Variants in MACROD2 observed in about 807,000 individuals in gnomAD.
The protein encoded by MACROD2 is ADP-ribose glycohydrolase MACROD2.
A neutral mutation model predicts 70.4 loss-of-function variants in MACROD2; 36 were observed. That is an observed-to-expected ratio of 0.51 (90% confidence interval 0.39 to 0.68). MACROD2 has a LOEUF of 0.68. Among genes scored for constraint, MACROD2 ranks in the 30% least tolerant of loss-of-function variants. MACROD2 has a pLI of 0.00. For missense variants in MACROD2, 496 were observed against 538.4 expected, an observed-to-expected ratio of 0.92 and a Z score of 0.78; for synonymous variants, 172 against 178.8, an observed-to-expected ratio of 0.96 and a Z score of 0.30.
chr20:14,630,609 C>T (rs1214969443), intron 4 of MACROD2, among the ~76,000 whole-genome samples: 1 of 152,038 alleles, frequency 6.6e-6, no homozygotes, highest in African/African-American at 2.4e-5. Context: ...AACACTTACA[C>T]AATAGGATTT....
intron 5 of MACROD2, among the ~76,000 whole-genome samples, chr20:14,950,168 T>C (rs1222878141): frequency 1.3e-5 from 2 of 151,980 alleles, no homozygotes; most frequent in African/African-American, 4.8e-5. Context: ...AGAGACAGGG[T>C]CTGATTAAGG....
chr20:15,871,278 C>T (rs1441291646), intron 9 of MACROD2, among the ~76,000 whole-genome samples: 2 of 151,794 alleles, frequency 1.3e-5, no homozygotes, highest in Non-Finnish European at 2.9e-5. Flanking sequence ...TTTACCCAGG[C>T]AGTATTTAAA....
chr20:15,147,880 G>A (rs2076242316), intron 5 of MACROD2, among the ~76,000 whole-genome samples: 1 of 152,098 alleles, frequency 6.6e-6, no homozygotes, highest in Non-Finnish European at 1.5e-5. Flanking sequence ...GCAGGCAGGA[G>A]TAGGGGTCAC....
chr20:14,588,250 A>G (rs1371028541), intron 4 of MACROD2, among the ~76,000 whole-genome samples: 1 of 151,856 alleles, frequency 6.6e-6, no homozygotes, highest in Admixed American at 6.6e-5. Flanking sequence ...GATTATCTCT[A>G]TTTTCCTAGA....
chr20:15,448,355 C>A (rs1018725275), intron 7 of MACROD2, among the ~76,000 whole-genome samples: 1 of 152,074 alleles, frequency 6.6e-6, no homozygotes, highest in African/African-American at 2.4e-5. Context: ...CAAGCAAGGC[C>A]CCTGGAGGGA....
chr20:14,454,252 A>G (rs939779189), intron 3 of MACROD2, among the ~76,000 whole-genome samples: 2 of 151,758 alleles, frequency 1.3e-5, no homozygotes, highest in Admixed American at 1.3e-4. Context: ...TCATTTATCT[A>G]TTAGTTTCTC....
chr20:14,151,773 G>GATAATT (rs930990599), intron 3 of MACROD2, among the ~76,000 whole-genome samples: 29 of 137,144 alleles, frequency 2.1e-4, no homozygotes, highest in African/African-American at 7.2e-4. Context: ...GGATCACTTT[G>GATAATT]ATAATTAGAG....
chr20:15,030,808 C>T (rs1386186343), intron 5 of MACROD2, among the ~76,000 whole-genome samples: 1 of 152,198 alleles, frequency 6.6e-6, no homozygotes, highest in Admixed American at 6.5e-5. Context: ...GTGAGTCCCC[C>T]ATCCTGAGTC....
chr20:15,094,229 C>A (rs963644878), intron 5 of MACROD2, among the ~76,000 whole-genome samples: 3 of 152,046 alleles, frequency 2.0e-5, no homozygotes, highest in African/African-American at 7.3e-5. Context: ...GAATACAAAG[C>A]TTTATCAGAT....
chr20:15,778,625 A>T (rs1476748152), intron 8 of MACROD2, among the ~76,000 whole-genome samples: 2 of 151,950 alleles, frequency 1.3e-5, no homozygotes, highest in African/African-American at 2.4e-5. Context: ...TTAGTAAAAG[A>T]TCTTTGAACC....
intron 4 of MACROD2, among the ~76,000 whole-genome samples, chr20:14,678,301 C>G (rs1221876031): frequency 6.6e-6 from 1 of 152,054 alleles, no homozygotes; most frequent in Admixed American, 6.6e-5. Flanking sequence ...GTCTCACAAC[C>G]CCCTAAAATT....
At chr20:16,025,187 G>A (rs932847781) in intron 15 of MACROD2, among the ~76,000 whole-genome samples, 4 of 152,198 alleles carry the variant, frequency 2.6e-5, no homozygotes, top group East Asian at 3.8e-4. Flanking sequence ...TGGAACAAGA[G>A]GTTAAATGTC....
chr20:15,322,169 G>A lies in MACROD2; in HGVS notation c.540+92108G>A, dbSNP rs1362354827. Among the ~76,000 whole-genome samples the A allele has an allele frequency of 2.8e-5, 4 of 143,490 alleles. 1 individual carries two copies. Among genetic ancestry groups the A allele is most frequent in the Non-Finnish European group, 6.3e-5 (4 of 63,504 alleles). The allele number at this position is 143,490 out of a possible 152,430, so 94.1% of individuals were successfully genotyped here. A position where few individuals can be genotyped will look rare whatever the true frequency, so the allele number is the denominator to read the frequency against. The stretch of plus-strand genomic sequence containing the variant: ...TCTCAGCTTCATTATTCCTCAAATG[G>A]TTTTGTGGTTCATGGAGCTTCAGAA... On this transcript the variant is annotated intron_variant, in intron 6 of 17. Coordinates refer to ENST00000684519, the MANE Select transcript of MACROD2 (RefSeq NM_001351661.2).
intron 8 of MACROD2, among the ~76,000 whole-genome samples, chr20:15,506,720 G>A (rs6079859): frequency 0.1 from 15,161 of 152,126 alleles, 828 homozygotes; most frequent in East Asian, 0.22. Context: ...TATATATTTC[G>A]AAACAAGCTC....
At chr20:15,646,919 TACAC>T (rs2049555759) in intron 8 of MACROD2, among the ~76,000 whole-genome samples, 1 of 152,222 alleles carries the variant, frequency 6.6e-6, no homozygotes, top group African/African-American at 2.4e-5. Flanking sequence ...AACGGACTAA[TACAC>T]ACAGCACAGA....
intron 3 of MACROD2, among the ~76,000 whole-genome samples, chr20:14,139,964 AAAAT>A (rs1181808623): frequency 5.3e-5 from 8 of 152,230 alleles, no homozygotes; most frequent in Non-Finnish European, 1.2e-4. Flanking sequence ...ATACACATAA[AAAAT>A]TAATGTATTA....
intron 6 of MACROD2, among the ~76,000 whole-genome samples, chr20:15,298,849 G>A (rs6043187): frequency 0.43 from 65,539 of 151,890 alleles, 14,909 homozygotes; most frequent in African/African-American, 0.59. Context: ...TAATCTTTCT[G>A]CAATCTCTCA....
intron 8 of MACROD2, among the ~76,000 whole-genome samples, chr20:15,805,369 C>T (rs919282786): frequency 6.6e-6 from 1 of 151,962 alleles, no homozygotes; most frequent in Non-Finnish European, 1.5e-5. Flanking sequence ...CTGGGAAGAG[C>T]CTGGAGCCTA....
chr20:14,652,869 A>G (rs1985749313), intron 4 of MACROD2, among the ~76,000 whole-genome samples: 1 of 152,270 alleles, frequency 6.6e-6, no homozygotes, highest in East Asian at 1.9e-4. Context: ...TCTTTGCCTC[A>G]CACTTAGGCT....
Sources: allele counts gnomAD v4.1 joint callset (sites outside exome capture counted in the v4.1 genomes callset), GRCh38; gene constraint gnomAD v4.1.1; transcripts MANE v1.5; gene names NCBI Gene and HGNC (gene_info 2026-07-23, HGNC 2026-07-21).